The following CRYGA variants were observed in gnomAD, a reference collection of about 807,000 sequenced individuals.
CRYGA encodes the protein crystallin gamma A, also known as gamma-crystallin A.
CRYGA carries 11 observed loss-of-function variants against 13.8 expected under a neutral mutation model. The observed-to-expected ratio is 0.80, with a 90% CI of 0.50 to 1.32. The LOEUF is 1.32. CRYGA is among the 40% of genes most tolerant of loss of function. The pLI is 0.00. For missense variants in CRYGA, 271 were observed against 234.1 expected (o/e 1.16, Z -1.03); for synonymous variants, 97 against 89.3 (o/e 1.09, Z -0.48).
chr2:208,161,113 G>A, intron 2 of CRYGA, 37 bp from the exon 3 acceptor site: 1 of 1,599,404 alleles, frequency 6.3e-7, no homozygotes, highest in Non-Finnish European at 8.6e-7. Flanking sequence ...AAAATAAACA[G>A]CATGCATCCT....
chr2:208,161,974 G>C (rs1695768496), intron 2 of CRYGA, among the ~76,000 whole-genome samples: 1 of 151,792 alleles, frequency 6.6e-6, no homozygotes, highest in African/African-American at 2.4e-5. Context: ...GTCTCGCTCT[G>C]TCACCAGGCT....
Position 208,160,904 on chromosome 2 carries a change from C to T in CRYGA, c.425G>A (p.Arg142Gln), listed in dbSNP as rs559628404. 19 of 1,612,652 alleles carry T rather than the reference C, an allele frequency of 1.2e-5. No individual in the cohort carries two copies. The highest frequency in any genetic ancestry group is 1.0e-4 in the Admixed American group (6 of 59,990). The change falls in exon 3 of 3, where the codon CGG (arginine) becomes CAG (glutamine). Residue 142 changes from arginine (R) to glutamine (Q), a missense_variant. Coordinates refer to ENST00000304502, the MANE Select transcript of CRYGA (RefSeq NM_014617.4). Reference sequence around the variant, plus strand: ...GTCCCCAGGCCTCAGCAGATACTGCCGCCCCCGGTAGTTGGGCATTTCATA... The same window carrying T: ...GTCCCCAGGCCTCAGCAGATACTGCTGCCCCCGGTAGTTGGGCATTTCATA... Reference protein sequence around the residue: ...VLYEMPNYRGRQYLLRPGDYR... With the variant: ...VLYEMPNYRGQQYLLRPGDYR...
At chr2:208,162,584 G>T (rs913830891) in intron 2 of CRYGA, among the ~76,000 whole-genome samples, 5 of 151,856 alleles carry the variant, frequency 3.3e-5, no homozygotes, top group African/African-American at 1.2e-4. Flanking sequence ...ATGGCCGGGC[G>T]CAGTGGCTCA....
In CRYGA at chr2:208,163,371, A is replaced by G. The variant is rs376030660; in HGVS notation, c.85T>C (p.Tyr29His). ...CGGATGGAGTTGCAGCGGCTGAAGT[A>G]GACCCGCAGGTTGGGGCAGTCACTG... The part of the protein sequence containing the change: ...CISDCPNLRV[Y>H]FSRCNSIRVD... Residue 29 changes from tyrosine (Y) to histidine (H), a missense_variant, in exon 2 of 3, where the codon TAC (tyrosine) becomes CAC (histidine). Physicochemically the swap from Tyr to His is moderately conservative, Grantham distance 83 (BLOSUM62 2). Coordinates refer to ENST00000304502, the MANE Select transcript of CRYGA (RefSeq NM_014617.4). The G allele has an allele frequency of 1.2e-6, 2 of 1,614,042 alleles. No homozygotes were observed. The highest frequency in any genetic ancestry group is 1.7e-6 in the Non-Finnish European group (2 of 1,180,014).
chr2:208,161,039 T>C lies in CRYGA; in HGVS notation c.290A>G (p.Asp97Gly). The change falls in exon 3 of 3, where the codon GAC (aspartate) becomes GGC (glycine). Residue 97 changes from aspartate (D) to glycine (G), a missense_variant. Physicochemically the swap from Asp to Gly is moderately conservative, Grantham distance 94. Coordinates refer to ENST00000304502, the MANE Select transcript of CRYGA (RefSeq NM_014617.4). ...SHKLRLYERDDYRGLMSELTD... is the reference protein window; with the variant it reads ...SHKLRLYERDGYRGLMSELTD... ...GAGCTCAGACATAAGGCCTCGGTAG[T>C]CATCTCTCTCGTACAGCCTTAACTT... 1.2e-6 allele frequency: 2 copies of C among 1,614,172 alleles called. No individual in the cohort carries two copies. Among genetic ancestry groups the C allele is most frequent in the Non-Finnish European group, 1.7e-6 (2 of 1,180,026 alleles).
rs929342884 is a variant in CRYGA at position 208,161,643 on chromosome 2, T to C, written c.253-567A>G. Among the ~76,000 whole-genome samples the C allele has an allele frequency of 5.3e-5, 8 of 152,346 alleles. No individual in the cohort carries two copies. In the East Asian group the frequency reaches 9.6e-4, roughly 18 times the overall value. On this transcript the variant is annotated intron_variant, in intron 2 of 2. Coordinates refer to ENST00000304502, the MANE Select transcript of CRYGA (RefSeq NM_014617.4). ...AACATTAAAATACAGGGAATAAAAG[T>C]GTGTTCTTTGTAAGCAATCATCAAT... is the stretch of plus-strand genomic sequence containing the variant.
At chr2:208,161,180 T>C in intron 2 of CRYGA, 104 bp from the exon 3 acceptor site, 1 of 1,183,434 alleles carries the variant, frequency 8.4e-7, no homozygotes, top group Admixed American at 2.5e-5. Context: ...ATGGCTTTTA[T>C]TTTATTTTTG....
At chr2:208,161,158 T>A (rs1347639584) in intron 2 of CRYGA, 82 bp from the exon 3 acceptor site, 1 of 1,331,442 alleles carries the variant, frequency 7.5e-7, no homozygotes, top group Non-Finnish European at 1.0e-6. Context: ...TCAGTCTGCA[T>A]CTTCATGAAG....
chr2:208,163,404 T>G lies in CRYGA; in HGVS notation c.52A>C (p.Asn18His). 1 of 1,613,830 alleles carries G rather than the reference T, an allele frequency of 6.2e-7. No individual in the cohort carries two copies. The highest frequency in any genetic ancestry group is 2.2e-5 in the East Asian group (1 of 44,870). The change falls in exon 2 of 3, where the codon AAT (asparagine) becomes CAT (histidine). Residue 18 changes from asparagine to histidine, a missense_variant. Transcript: ENST00000304502. ...AGGTTGGGGCAGTCACTGATGCAAT[T>G]GTAGCAGCGACCCTGAAAGTCTCGG... ...EDRDFQGRCY[N>H]CISDCPNLRV...
Position 208,163,375 on chromosome 2 carries a change from C to A in CRYGA, c.81G>T (p.Arg27=). The change falls in exon 2 of 3, where the codon CGG becomes CGT. Residue 27 remains arginine (R), a synonymous_variant. Transcript: ENST00000304502. ...TGGAGTTGCAGCGGCTGAAGTAGAC[C>A]CGCAGGTTGGGGCAGTCACTGATGC... is the stretch of plus-strand genomic sequence containing the variant. ...YNCISDCPNL[R]VYFSRCNSIR... 6.2e-7 allele frequency: 1 copy of A among 1,613,930 alleles called. No individual in the cohort carries two copies. The highest frequency in any genetic ancestry group is 1.1e-5 in the South Asian group (1 of 91,066).
Position 208,160,756 on chromosome 2 carries a change from T to G in CRYGA, c.*48A>C. 1 of 1,102,674 alleles carries G rather than the reference T, an allele frequency of 9.1e-7. No individual in the cohort carries two copies. The highest frequency in any genetic ancestry group is 1.3e-6 in the Non-Finnish European group (1 of 746,662). 68.3% of individuals were successfully genotyped at this position (1,102,674 alleles called of 1,614,324 possible). A position where few individuals can be genotyped will look rare whatever the true frequency, so the allele number is the denominator to read the frequency against. On this transcript the variant is annotated 3_prime_UTR_variant, in exon 3 of 3. Coordinates refer to ENST00000304502, the MANE Select transcript of CRYGA (RefSeq NM_014617.4). ...GCCACTTAGTGCAGGGAACACAACT[T>G]GTATATTTATTATGTTTCTATGGGG...
chr2:208,163,106 A>T, intron 2 of CRYGA, 98 bp downstream of exon 2: 1 of 984,400 alleles, frequency 1.0e-6, no homozygotes, highest in Non-Finnish European at 1.6e-6. Flanking sequence ...TACTGTGAAC[A>T]CTCATCCTGT....
chr2:208,161,225 T>C (rs1206221242), intron 2 of CRYGA, 149 bp from the exon 3 acceptor site: 1 of 789,850 alleles, frequency 1.3e-6, no homozygotes, highest in Non-Finnish European at 2.0e-6. Flanking sequence ...CAGGCTGGAG[T>C]ACAGTGGCAG....
At position 208,163,193 on chromosome 2, in the gene CRYGA, GC is replaced by G; in HGVS notation, c.252+10del. ...ATGCTTTCACATCAGTCAAGTTGAAGCAAGACTCACATGAGGAATTATACGG... is the reference window on the plus strand; with the variant it reads ...ATGCTTTCACATCAGTCAAGTTGAAGAAGACTCACATGAGGAATTATACGG... On this transcript the variant is annotated intron_variant, in intron 2 of 2. Coordinates refer to ENST00000304502, the MANE Select transcript of CRYGA (RefSeq NM_014617.4). 6.2e-7 allele frequency: 1 copy of G among 1,606,756 alleles called. No homozygotes were observed. The highest frequency in any genetic ancestry group is 8.5e-7 in the Non-Finnish European group (1 of 1,174,838).
In CRYGA at chr2:208,163,375, C is replaced by T. The variant is rs747260199; in HGVS notation, c.81G>A (p.Arg27=). ...YNCISDCPNL[R]VYFSRCNSIR... ...TGGAGTTGCAGCGGCTGAAGTAGACCCGCAGGTTGGGGCAGTCACTGATGC... is the reference window on the plus strand; with the variant it reads ...TGGAGTTGCAGCGGCTGAAGTAGACTCGCAGGTTGGGGCAGTCACTGATGC... The change falls in exon 2 of 3, where the codon CGG becomes CGA. Residue 27 remains arginine (R), a synonymous_variant. Transcript: ENST00000304502. 3 of 1,613,930 alleles carry T rather than the reference C, an allele frequency of 1.9e-6. No homozygotes were observed. Among genetic ancestry groups the T allele is most frequent in the Non-Finnish European group, 2.5e-6 (3 of 1,179,982 alleles).
In CRYGA at chr2:208,160,898, T is replaced by C. The variant is rs1265758384; in HGVS notation, c.431A>G (p.Tyr144Cys). 6.2e-7 allele frequency: 1 copy of C among 1,612,892 alleles called. No individual in the cohort carries two copies. The highest frequency in any genetic ancestry group is 1.3e-5 in the African/African-American group (1 of 74,854). ...YEMPNYRGRQ[Y>C]LLRPGDYRRY... ...TCTGTAGTCCCCAGGCCTCAGCAGA[T>C]ACTGCCGCCCCCGGTAGTTGGGCAT... The change falls in exon 3 of 3, where the codon TAT becomes TGT. Residue 144 changes from tyrosine to cysteine, a missense_variant. Tyr to Cys is a radical substitution (Grantham distance 194, BLOSUM62 -2). Coordinates refer to ENST00000304502, the MANE Select transcript of CRYGA (RefSeq NM_014617.4).
In CRYGA at chr2:208,163,228, G is replaced by C. The variant is rs763741494; in HGVS notation, c.228C>G (p.Val76=). Residue 76 remains valine (V), a synonymous_variant, in exon 2 of 3, where the codon GTC becomes GTG. Transcript: ENST00000304502. The part of the protein sequence containing the change: ...YQHWMGLSDS[V]QSCRIIPHTS... Reference sequence around the variant, plus strand: ...CATGAGGAATTATACGGCAGGATTGGACCGAGTCGCTGAGGCCCATCCAGT... The same window carrying C: ...CATGAGGAATTATACGGCAGGATTGCACCGAGTCGCTGAGGCCCATCCAGT... 4.3e-6 allele frequency: 7 copies of C among 1,613,510 alleles called. No homozygotes were observed. The highest frequency in any genetic ancestry group is 5.9e-6 in the Non-Finnish European group (7 of 1,179,930).
chr2:208,161,173 G>A, intron 2 of CRYGA, 97 bp from the exon 3 acceptor site: 1 of 1,209,910 alleles, frequency 8.3e-7, no homozygotes, highest in South Asian at 1.5e-5. Context: ...ATGAAGCATG[G>A]CTTTTATTTT....
In CRYGA at chr2:208,161,224, G is replaced by A. The variant is rs181275948; in HGVS notation, c.253-148C>T. ...GTCTTGCTGTGTTGCCCAGGCTGGA[G>A]TACAGTGGCAGGATCACTGCTCACT... On this transcript the variant is annotated intron_variant, in intron 2 of 2. Transcript: ENST00000304502. 1.2e-3 allele frequency: 929 copies of A among 794,342 alleles called. 2 individuals are homozygous for A. The highest frequency in any genetic ancestry group is 1.6e-3 in the Non-Finnish European group (831 of 513,222). The allele number at this position is 794,342 out of a possible 1,614,324, so 49.2% of individuals were successfully genotyped here. A position where few individuals can be genotyped will look rare whatever the true frequency, so the allele number is the denominator to read the frequency against.
Sources: allele counts gnomAD v4.1 joint callset (sites outside exome capture counted in the v4.1 genomes callset), GRCh38; gene constraint gnomAD v4.1.1; transcripts MANE v1.5; gene names NCBI Gene and HGNC (gene_info 2026-07-23, HGNC 2026-07-21).